PLEKHA6: variants seen among roughly 807,000 people sequenced by gnomAD.
PLEKHA6 encodes pleckstrin homology domain-containing family A member 6.
A neutral mutation model predicts 116.7 loss-of-function variants in PLEKHA6; 60 were observed. The observed-to-expected ratio is 0.51, with a 90% confidence interval of 0.42 to 0.64. The LOEUF (loss-of-function observed/expected upper bound fraction) is 0.64, where lower values mean the gene tolerates loss of function less well. Among genes scored for constraint, PLEKHA6 ranks in the 30% least tolerant of loss-of-function variants. The probability of loss-of-function intolerance (pLI) is 0.00; values close to 1 mark genes in which losing one functional copy is unlikely to be tolerated. For missense variants in PLEKHA6, 1,338 were observed against 1,422.7 expected (o/e 0.94, Z 0.96); for synonymous variants, 489 against 556.1 (o/e 0.88, Z 1.70).
At chr1:204,375,039 C>G (rs1191596626) in intron 1 of PLEKHA6, among the ~76,000 whole-genome samples, 2 of 152,058 alleles carry the variant, frequency 1.3e-5, no homozygotes, top group African/African-American at 2.4e-5. Context: ...TCCTTGCCTT[C>G]TGGGGTGGCA....
intron 1 of PLEKHA6, among the ~76,000 whole-genome samples, chr1:204,375,712 A>G (rs1673857098): frequency 6.6e-6 from 1 of 151,910 alleles, no homozygotes; most frequent in Admixed American, 6.6e-5. Context: ...TTGGCTTCCC[A>G]TCACCTATAG....
Position 204,228,825 on chromosome 1 carries a change from A to G in PLEKHA6, c.2788T>C (p.Tyr930His). The change falls in exon 20 of 23, where the codon TAC (tyrosine) becomes CAC (histidine). Residue 930 changes from tyrosine to histidine, a missense_variant. Around this residue, in one of 3 missense-constraint regions of PLEKHA6, gnomAD observed 1,136 missense variants for 1,163.6 expected, o/e 0.98. Transcript: ENST00000272203. The surrounding 1 kb of genome is among the most constrained non-coding windows in gnomAD (Gnocchi z 4.0). ...GGAGTGTCAGGCTCCAGGTCAATGT[A>G]CCGTTCAGGGATGAGGACTTTGTCT... The part of the protein sequence containing the change: ...TPDKVLIPER[Y>H]IDLEPDTPLS... 2 of 1,613,860 alleles carry G rather than the reference A, an allele frequency of 1.2e-6. No individual in the cohort carries two copies. Among genetic ancestry groups the G allele is most frequent in the Non-Finnish European group, 1.7e-6 (2 of 1,179,924 alleles).
At chr1:204,354,916 G>A (rs1196247257) in intron 1 of PLEKHA6, among the ~76,000 whole-genome samples, 4 of 152,238 alleles carry the variant, frequency 2.6e-5, no homozygotes, top group Non-Finnish European at 4.4e-5. Flanking sequence ...CCCCAGTGGA[G>A]TATCCTATAA....
rs543685983 is a variant in PLEKHA6, at chr1:204,311,325, C to T, written c.-94-36516G>A. On this transcript the variant is annotated intron_variant, in intron 1 of 22. Coordinates refer to ENST00000272203, the MANE Select transcript of PLEKHA6 (RefSeq NM_014935.5). ...TGACCAACATGGAGAAACCTCATCT[C>T]TCCTAAAAATACAAAATTAGCCAGG... Among the ~76,000 whole-genome samples, 14 of 152,144 alleles carry T rather than the reference C, an allele frequency of 9.2e-5. No individual in the cohort carries two copies. In the South Asian group the frequency reaches 2.1e-3, roughly 23 times the overall value.
intron 1 of PLEKHA6, among the ~76,000 whole-genome samples, chr1:204,374,217 C>T (rs1350757634): frequency 6.6e-6 from 1 of 152,168 alleles, no homozygotes; most frequent in Non-Finnish European, 1.5e-5. Context: ...ACTCCAGCAC[C>T]GGGCTGATGG....
At chr1:204,373,551 T>A (rs1015239582) in intron 1 of PLEKHA6, among the ~76,000 whole-genome samples, 6 of 152,208 alleles carry the variant, frequency 3.9e-5, no homozygotes, top group African/African-American at 1.4e-4. Flanking sequence ...CATATTGTGG[T>A]GTGTGGTCGT....
chr1:204,303,974 C>A (rs1274009885), intron 1 of PLEKHA6, among the ~76,000 whole-genome samples: 1 of 152,186 alleles, frequency 6.6e-6, no homozygotes, highest in East Asian at 1.9e-4. Context: ...CTCAGCCTCC[C>A]AAAGTGCCAG....
In PLEKHA6 at chr1:204,228,231, G is replaced by A. The variant is rs1334050270; in HGVS notation, c.2886-3C>T. 1 of 1,596,834 alleles carries A rather than the reference G, an allele frequency of 6.3e-7. No homozygotes were observed. Among genetic ancestry groups the A allele is most frequent in the Non-Finnish European group, 8.6e-7 (1 of 1,169,140 alleles). On this transcript the variant is annotated splice_region_variant and splice_polypyrimidine_tract_variant and intron_variant, in intron 20 of 22. Coordinates refer to ENST00000272203, the MANE Select transcript of PLEKHA6 (RefSeq NM_014935.5). The surrounding 1 kb of genome is among the most constrained non-coding windows in gnomAD (Gnocchi z 4.0). ...CGATGGGCACCACGTTCTGCATACTGAAGAGGCACAGACACACAGAAATGG... is the reference window on the plus strand; with the variant it reads ...CGATGGGCACCACGTTCTGCATACTAAAGAGGCACAGACACACAGAAATGG...
intron 1 of PLEKHA6, among the ~76,000 whole-genome samples, chr1:204,295,981 G>A (rs999791724): frequency 6.6e-6 from 1 of 152,204 alleles, no homozygotes; most frequent in Admixed American, 6.5e-5. Context: ...GTAAGGCACA[G>A]AAGCTACGGG....
Position 204,248,893 on chromosome 1 carries a change from C to T in PLEKHA6, c.1752G>A (p.Lys584=). ...GCAGTGAATCCTTTTTGTGTCGCAG[C>T]TTTTCTGGGTAGGCGGGCTGGCTTC... is the stretch of plus-strand genomic sequence containing the variant. ...MFGSQPAYPE[K]LRHKKDSLQN... is the part of the protein sequence containing the mutation. Residue 584 remains lysine, a synonymous_variant, in exon 12 of 23, where the codon AAG becomes AAA. Coordinates refer to ENST00000272203, the MANE Select transcript of PLEKHA6 (RefSeq NM_014935.5). 2 of 1,614,164 alleles carry T rather than the reference C, an allele frequency of 1.2e-6. No homozygotes were observed. The highest frequency in any genetic ancestry group is 1.7e-6 in the Non-Finnish European group (2 of 1,180,028).
At chr1:204,234,195 G>A (rs1415188948) in intron 17 of PLEKHA6, among the ~76,000 whole-genome samples, 1 of 152,178 alleles carries the variant, frequency 6.6e-6, no homozygotes, top group Non-Finnish European at 1.5e-5. Flanking sequence ...CAGAAAATGA[G>A]GTGATGTGAA....
chr1:204,373,828 T>C (rs1673820569), intron 1 of PLEKHA6, among the ~76,000 whole-genome samples: 1 of 152,028 alleles, frequency 6.6e-6, no homozygotes, highest in African/African-American at 2.4e-5. Flanking sequence ...AAAAACAAAG[T>C]CACTGTTCTA....
At chr1:204,368,945 G>A (rs1282507467) in intron 2 of PLEKHA6, 1 of 152,264 alleles carries the variant, frequency 6.6e-6, no homozygotes, top group Non-Finnish European at 1.5e-5. Context: ...GTTAGCAGCT[G>A]CTTTGAGGCA....
chr1:204,310,271 T>C (rs1047173644), intron 1 of PLEKHA6, among the ~76,000 whole-genome samples: 6 of 152,318 alleles, frequency 3.9e-5, no homozygotes, highest in Middle Eastern at 3.4e-3. Flanking sequence ...TTGACTACTA[T>C]GCATGCAAGT....
chr1:204,301,620 CAGAG>C, intron 1 of PLEKHA6: 1 of 243,204 alleles, frequency 4.1e-6, no homozygotes, highest in African/African-American at 2.3e-5. Flanking sequence ...GTGGGGGAAA[CAGAG>C]AGAAGGGGGG....
At chr1:204,343,667 T>C (rs187584755) in intron 1 of PLEKHA6, among the ~76,000 whole-genome samples, 23 of 152,310 alleles carry the variant, frequency 1.5e-4, no homozygotes, top group Admixed American at 1.2e-3. Flanking sequence ...CATTAAGGAA[T>C]GATACAAGTT....
chr1:204,311,630 C>T (rs1572163422), intron 1 of PLEKHA6: 3 of 979,694 alleles, frequency 3.1e-6, no homozygotes, highest in Non-Finnish European at 2.4e-6. Context: ...TTCTTCCTTC[C>T]AAGATGTTCA....
intron 1 of PLEKHA6, among the ~76,000 whole-genome samples, chr1:204,316,482 T>C (rs1396806687): frequency 1.3e-5 from 2 of 152,158 alleles, no homozygotes; most frequent in East Asian, 1.9e-4. Flanking sequence ...TCCCAGTGCC[T>C]TTGCAGGATA....
chr1:204,299,691 G>A, intron 1 of PLEKHA6: 2 of 951,552 alleles, frequency 2.1e-6, no homozygotes, highest in Non-Finnish European at 2.5e-6. Flanking sequence ...CAGGCTAAGA[G>A]GTTTAACCTG....
Sources: allele counts gnomAD v4.1 joint callset (sites outside exome capture counted in the v4.1 genomes callset), GRCh38; gene constraint gnomAD v4.1.1; regional missense constraint gnomAD v4.1.1; non-coding constraint Gnocchi (gnomAD v3.1); transcripts MANE v1.5; gene names NCBI Gene and HGNC (gene_info 2026-07-23, HGNC 2026-07-21).